STK26: variants seen among roughly 807,000 people sequenced by gnomAD.
STK26 encodes the protein serine/threonine kinase 26.
Under a neutral mutation model 34.7 loss-of-function variants are expected in STK26, and 14 were observed. The observed-to-expected ratio is 0.40, with a 90% CI of 0.27 to 0.63. The LOEUF is 0.63. Among genes scored for constraint, STK26 ranks in the 30% least tolerant of loss-of-function variants. STK26 has a pLI of 0.38. For synonymous variants in STK26, 100 were observed against 109.8 expected (o/e 0.91, Z 0.56); for missense variants, 226 against 309.1 (o/e 0.73, Z 2.02).
At position 132,023,513 on chromosome X, in the gene STK26, G is replaced by A. The variant is rs1027819785; in HGVS notation, c.-105G>A. ...ACTTTTGTGTGTCCTCCCAGGCCCCGATCGAAAAGCCTGGGAGGGCCGCCG... is the reference window on the plus strand; with the variant it reads ...ACTTTTGTGTGTCCTCCCAGGCCCCAATCGAAAAGCCTGGGAGGGCCGCCG... On this transcript the variant is annotated 5_prime_UTR_variant, in exon 2 of 12. Transcript: ENST00000394334. 116 of 1,014,345 alleles carry A rather than the reference G, an allele frequency of 1.1e-4. No individual in the cohort carries two copies. Among genetic ancestry groups the A allele is most frequent in the Middle Eastern group, 2.5e-4 (1 of 4,015 alleles). 83.6% of individuals were successfully genotyped at this position (1,014,345 alleles called of 1,213,427 possible).
chrX:132,036,071 C>T (rs1189541291), intron 2 of STK26, among the ~76,000 whole-genome samples: 1 of 111,811 alleles, frequency 8.9e-6, no homozygotes, highest in Non-Finnish European at 1.9e-5. Flanking sequence ...AGTAGGAAAG[C>T]TCTGAGTTTA....
Position 132,075,287 on chromosome X carries a change from T to G in STK26, c.*1128T>G, listed in dbSNP as rs1927564521. 1 of 111,277 alleles carries G rather than the reference T, an allele frequency of 9.0e-6. No individual in the cohort carries two copies. Among genetic ancestry groups the G allele is most frequent in the Non-Finnish European group, 1.9e-5 (1 of 52,896 alleles). 9.2% of individuals were successfully genotyped at this position (111,277 alleles called of 1,213,427 possible). A position where few individuals can be genotyped will look rare whatever the true frequency, so the allele number is the denominator to read the frequency against. The stretch of plus-strand genomic sequence containing the variant: ...GTACTATTATGTGGGTGATGCCTTT[T>G]TCTTTTAAGCCCAGTACATATATTA... On this transcript the variant is annotated 3_prime_UTR_variant, in exon 12 of 12. Coordinates refer to ENST00000394334, the MANE Select transcript of STK26 (RefSeq NM_016542.4).
intron 3 of STK26, among the ~76,000 whole-genome samples, chrX:132,058,244 G>A (rs1333269288): frequency 4.8e-5 from 5 of 105,199 alleles, no homozygotes; most frequent in Non-Finnish European, 7.7e-5. Flanking sequence ...GTGTGTGTGC[G>A]TGTGTGTGTA....
chrX:132,047,310 T>C (rs367687157), intron 2 of STK26, among the ~76,000 whole-genome samples: 323 of 112,142 alleles, frequency 2.9e-3, no homozygotes, highest in African/African-American at 9.9e-3. Context: ...TGTGGGGAGT[T>C]TATTTTATCC....
intron 2 of STK26, among the ~76,000 whole-genome samples, chrX:132,029,701 C>T (rs1439275953): frequency 9.0e-6 from 1 of 111,041 alleles, no homozygotes; most frequent in African/African-American, 3.3e-5. Context: ...AGTTCAATAA[C>T]CAGTGATTGG....
At chrX:132,036,900 A>G (rs943394545) in intron 2 of STK26, among the ~76,000 whole-genome samples, 8 of 112,378 alleles carry the variant, frequency 7.1e-5, no homozygotes, top group Admixed American at 9.4e-5. Flanking sequence ...AATAAACTAT[A>G]CTAATAGTAG....
intron 8 of STK26, among the ~76,000 whole-genome samples, 197 bp from the exon 9 acceptor site, chrX:132,072,071 G>C (rs1375661378): frequency 3.6e-5 from 4 of 111,479 alleles, no homozygotes; most frequent in Admixed American, 9.6e-5. Context: ...AGCACACACA[G>C]AGTTGAGAAC....
intron 2 of STK26, among the ~76,000 whole-genome samples, chrX:132,044,369 G>A (rs1926370173): frequency 9.0e-6 from 1 of 110,983 alleles, no homozygotes; most frequent in Non-Finnish European, 1.9e-5. Flanking sequence ...TTCCCCTAGG[G>A]GGATGATAAG....
chrX:132,072,701 C>A, intron 9 of STK26, 112 bp from the exon 10 acceptor site: 1 of 792,144 alleles, frequency 1.3e-6, no homozygotes, highest in Non-Finnish European at 1.9e-6. Context: ...GCCTTGCATA[C>A]AATCTTTTGT....
rs1205427501 is a variant in STK26, at chrX:132,075,891, G to A, written c.*1732G>A. On this transcript the variant is annotated 3_prime_UTR_variant, in exon 12 of 12. Coordinates refer to ENST00000394334, the MANE Select transcript of STK26 (RefSeq NM_016542.4). Reference sequence around the variant, plus strand: ...GTCCTGTAATCTGTTTCTAGGTGAAGCATACTCCAGTGTTTTAGGGGTTTT... The same window carrying A: ...GTCCTGTAATCTGTTTCTAGGTGAAACATACTCCAGTGTTTTAGGGGTTTT... 9 of 111,698 alleles carry A rather than the reference G, an allele frequency of 8.1e-5. No individual in the cohort carries two copies. The highest frequency in any genetic ancestry group is 2.9e-4 in the African/African-American group (9 of 30,844). The allele number at this position is 111,698 out of a possible 1,213,427, so 9.2% of individuals were successfully genotyped here.
At chrX:132,031,052 T>C (rs763874756) in intron 2 of STK26, among the ~76,000 whole-genome samples, 27 of 110,998 alleles carry the variant, frequency 2.4e-4, no homozygotes, top group Middle Eastern at 4.6e-3. Flanking sequence ...TCCTCCCACC[T>C]CATCCTCCTG....
At chrX:132,041,055 A>G (rs997464312) in intron 2 of STK26, among the ~76,000 whole-genome samples, 2 of 112,027 alleles carry the variant, frequency 1.8e-5, no homozygotes, top group African/African-American at 6.5e-5. Flanking sequence ...ATCAGACATC[A>G]TCTCTTCTTT....
intron 4 of STK26, 143 bp from the exon 5 acceptor site, chrX:132,068,072 T>G (rs1349476959): frequency 4.8e-6 from 2 of 413,859 alleles, no homozygotes; most frequent in African/African-American, 2.5e-5. Context: ...ACATTTTTCC[T>G]TCCTTGTTTA....
chrX:132,030,149 A>G lies in STK26; in HGVS notation c.42+6490A>G, dbSNP rs751276385. Among the ~76,000 whole-genome samples, 5 of 112,191 alleles carry G rather than the reference A, an allele frequency of 4.5e-5. No homozygotes were observed. In the South Asian group the frequency reaches 1.8e-3, roughly 41 times the overall value. ...TTTAAATGATTTTCATGTATTATGT[A>G]TAATATGTCTAGCAAAACATTCTTG... On this transcript the variant is annotated intron_variant, in intron 2 of 11. Coordinates refer to ENST00000394334, the MANE Select transcript of STK26 (RefSeq NM_016542.4).
At chrX:132,028,894 C>G (rs1375520553) in intron 2 of STK26, among the ~76,000 whole-genome samples, 2 of 112,054 alleles carry the variant, frequency 1.8e-5, no homozygotes, top group African/African-American at 6.5e-5. Flanking sequence ...AGGGGATAAT[C>G]AGATTTGCAA....
intron 2 of STK26, among the ~76,000 whole-genome samples, chrX:132,037,939 A>C (rs1244890529): frequency 9.1e-6 from 1 of 109,535 alleles, no homozygotes; most frequent in African/African-American, 3.3e-5. Flanking sequence ...AGCATAGGTG[A>C]CACCTCCATG....
chrX:132,047,566 G>A (rs758511557), intron 2 of STK26, among the ~76,000 whole-genome samples: 1 of 110,972 alleles, frequency 9.0e-6, no homozygotes, highest in East Asian at 2.8e-4. Context: ...TGGATCCTAT[G>A]GGAATCATGA....
At position 132,044,667 on chromosome X, in the gene STK26, A is replaced by ATCTC. The variant is rs1569329897; in HGVS notation, c.43-9964_43-9963insTCTC. 4.8e-5 allele frequency among the ~76,000 whole-genome samples: 3 copies of ATCTC among 61,872 alleles called. No individual in the cohort carries two copies. In the East Asian group the frequency reaches 1.5e-3, roughly 31 times the overall value. The allele number at this position is 61,872 out of a possible 115,157, so 53.7% of individuals were successfully genotyped here. The stretch of plus-strand genomic sequence containing the variant: ...TCTCTCTCTCTCTCTCTCTCTCTCG[A>ATCTC]GATCTATATATATATATATATAGAG... On this transcript the variant is annotated intron_variant, in intron 2 of 11. Transcript: ENST00000394334.
rs189998721 is a variant in STK26, at chrX:132,047,112, T to C, written c.43-7519T>C. Among the ~76,000 whole-genome samples, 28 of 112,271 alleles carry C rather than the reference T, an allele frequency of 2.5e-4. No individual in the cohort carries two copies. The East Asian group carries it at 7.5e-3, about 30-fold the overall frequency. On this transcript the variant is annotated intron_variant, in intron 2 of 11. Transcript: ENST00000394334. ...CATATACAGACATACTTAATTTTTA[T>C]CTTAGTTCTTATTCTGTCATATGCA...
Sources: allele counts gnomAD v4.1 joint callset (sites outside exome capture counted in the v4.1 genomes callset), GRCh38; gene constraint gnomAD v4.1.1; transcripts MANE v1.5; gene names NCBI Gene and HGNC (gene_info 2026-07-23, HGNC 2026-07-21).